SELENOV: variants seen among roughly 807,000 people sequenced by gnomAD.
The protein encoded by SELENOV is selenoprotein V.
A neutral mutation model predicts 21.6 loss-of-function variants in SELENOV; 25 were observed. The observed-to-expected ratio is 1.16, with a 90% confidence interval of 0.84 to 1.62. The LOEUF (loss-of-function observed/expected upper bound fraction) is 1.62. SELENOV is among the 40% of genes most tolerant of loss of function. The probability of loss-of-function intolerance (pLI) is 0.00; values close to 1 mark genes in which losing one functional copy is unlikely to be tolerated. For synonymous variants in SELENOV, 227 were observed against 216.9 expected (o/e 1.05, Z -0.41); for missense variants, 472 against 459.0 (o/e 1.03, Z -0.26).
At position 39,518,770 on chromosome 19, in the gene SELENOV, C is replaced by T; in HGVS notation, c.865C>T (p.Gln289Ter). Residue 289 changes from glutamine to a stop codon, truncating the protein, a stop_gained, in exon 3 of 6, where the codon CAA becomes TAA. Transcript: ENST00000335426. LOFTEE classifies it high-confidence loss of function. ...TCTACTGAAAAAGAGCCTGGAGCAG[C>T]AATTTCCGAATCACCTACTCTTTGT... 6.2e-7 allele frequency: 1 copy of T among 1,613,858 alleles called. No individual in the cohort carries two copies. Among genetic ancestry groups the T allele is most frequent in the Non-Finnish European group, 8.5e-7 (1 of 1,179,834 alleles).
chr19:39,518,249 C>T (rs562138840), intron 1 of SELENOV, among the ~76,000 whole-genome samples: 3 of 141,934 alleles, frequency 2.1e-5, no homozygotes, highest in East Asian at 4.1e-4. Context: ...CCAGCCTGGG[C>T]AACAGAGCGA....
intron 1 of SELENOV, 179 bp downstream of exon 1, chr19:39,516,200 A>G (rs199800025): frequency 8.6e-4 from 609 of 708,962 alleles, no homozygotes; most frequent in Middle Eastern, 1.1e-3. Flanking sequence ...TCTTTGGGGC[A>G]GGAGAGCTTC....
intron 1 of SELENOV, among the ~76,000 whole-genome samples, chr19:39,517,531 G>T (rs2079703378): frequency 6.6e-6 from 1 of 152,262 alleles, no homozygotes; most frequent in African/African-American, 2.4e-5. Flanking sequence ...GGGGTGGTCA[G>T]GAAGGCCTCA....
chr19:39,519,264 C>T, intron 5 of SELENOV, 94 bp downstream of exon 5: 1 of 843,090 alleles, frequency 1.2e-6, no homozygotes, highest in Non-Finnish European at 2.0e-6. Context: ...CCTAGCTCAG[C>T]CGGTTCTCAC....
At position 39,515,986 on chromosome 19, in the gene SELENOV, G is replaced by T. The variant is rs1371015030; in HGVS notation, c.774G>T (p.Ala258=). The change falls in exon 1 of 6, where the codon GCG becomes GCT. Residue 258 remains alanine (A), a synonymous_variant. Transcript: ENST00000335426. The surrounding 1 kb of genome is among the most constrained non-coding windows in gnomAD (Gnocchi z 5.1). ...TCCCCTCCTCCAGCGAGAACTTCGC[G>T]CTGGACAAGAGGGTCCTGATTCGAG... is the stretch of plus-strand genomic sequence containing the variant. 1.2e-6 allele frequency: 2 copies of T among 1,603,106 alleles called. No homozygotes were observed. Among genetic ancestry groups the T allele is most frequent in the Non-Finnish European group, 1.7e-6 (2 of 1,175,334 alleles).
In SELENOV at chr19:39,518,706, C is replaced by T. The variant is rs1231788292; in HGVS notation, c.835-34C>T. The T allele has an allele frequency of 3.1e-6, 5 of 1,613,472 alleles. No individual in the cohort carries two copies. The Admixed American group carries it at 6.7e-5, about 22-fold the overall frequency. On this transcript the variant is annotated intron_variant, in intron 2 of 5. Transcript: ENST00000335426. ...TGGGAGGAGTCCCTGTTTCCCCTCC[C>T]CTGCAACCCCATGACCCCATCTCCT...
intron 5 of SELENOV, 40 bp downstream of exon 5, chr19:39,519,210 A>T: frequency 7.1e-7 from 1 of 1,406,922 alleles, no homozygotes; most frequent in Non-Finnish European, 1.0e-6. Context: ...GGAGGGGTGG[A>T]GGCCGGGTAG....
chr19:39,520,612 CTA>C (rs1018537246), exon 6 of SELENOV: 20 of 152,164 alleles, frequency 1.3e-4, no homozygotes, highest in African/African-American at 4.6e-4. Context: ...CCTGTAAGAT[CTA>C]TGTTCCAGCC....
rs1033411426 is a variant in SELENOV, at chr19:39,519,170, G to A, written c.*22G>A. Reference sequence around the variant, plus strand: ...GTAGCCGGCAAGGGGTGGAGCTGGAGGTGAGCGTGGAGCTCCCAAGGCTGC... The same window carrying A: ...GTAGCCGGCAAGGGGTGGAGCTGGAAGTGAGCGTGGAGCTCCCAAGGCTGC... On this transcript the variant is annotated splice_region_variant and 3_prime_UTR_variant, in exon 5 of 6. Transcript: ENST00000335426. The A allele has an allele frequency of 3.1e-6, 5 of 1,608,980 alleles. No individual in the cohort carries two copies. The African/African-American group carries it at 6.7e-5, about 22-fold the overall frequency.
At position 39,518,797 on chromosome 19, in the gene SELENOV, AGT is replaced by A. The variant is rs746613234; in HGVS notation, c.888+10_888+11del. ...ATTTCCGAATCACCTACTCTTTGTA[AGT>A]GTGTGGGGGTCCTGGGGGAGAGGGG... On this transcript the variant is annotated splice_donor_5th_base_variant and intron_variant, in intron 3 of 5. Transcript: ENST00000335426. The A allele has an allele frequency of 6.8e-6, 11 of 1,613,534 alleles. No individual in the cohort carries two copies. The South Asian group carries it at 1.2e-4, about 18-fold the overall frequency.
At chr19:39,516,694 ATTT>A (rs74178082) in intron 1 of SELENOV, among the ~76,000 whole-genome samples, 1 of 129,470 alleles carries the variant, frequency 7.7e-6, no homozygotes. Context: ...TGCCTGCCTA[ATTT>A]TTTTTTTTTT....
chr19:39,518,541 G>A, intron 1 of SELENOV, 67 bp from the exon 2 acceptor site: 1 of 1,503,624 alleles, frequency 6.7e-7, no homozygotes, highest in Non-Finnish European at 9.1e-7. Context: ...CTGAGCTGGG[G>A]AAGATACTGA....
exon 5 of SELENOV, chr19:39,519,095 T>C: frequency 6.2e-7 from 1 of 1,613,458 alleles, no homozygotes; most frequent in Non-Finnish European, 8.5e-7. Flanking sequence ...TGTGAACGAG[T>C]CCAGGCTGCA....
rs187158875 is a variant in SELENOV at position 39,518,254 on chromosome 19, G to A, written c.810-354G>A. 6.8e-3 allele frequency among the ~76,000 whole-genome samples: 1,000 copies of A among 147,598 alleles called. 9 individuals carry two copies. The highest frequency in any genetic ancestry group is 0.024 in the African/African-American group (962 of 39,416). ...CCATTGCACTCCAGCCTGGGCAACA[G>A]AGCGAGACTCCGTCTCAAAAAAACA... On this transcript the variant is annotated intron_variant, in intron 1 of 5. Transcript: ENST00000335426.
chr19:39,519,956 C>T (rs1319381713), intron 5 of SELENOV, among the ~76,000 whole-genome samples, 190 bp from the exon 6 acceptor site: 5 of 103,058 alleles, frequency 4.9e-5, no homozygotes, highest in South Asian at 3.6e-4. Flanking sequence ...CAGAGCGAGA[C>T]TCTGTCTCAA....
At chr19:39,516,164 TGGAA>T in intron 1 of SELENOV, 143 bp downstream of exon 1, 2 of 748,628 alleles carry the variant, frequency 2.7e-6, no homozygotes, top group Non-Finnish European at 4.7e-6. Context: ...GTTCCCAGAT[TGGAA>T]ACCCGCTCTT....
chr19:39,518,197 G>T (rs2079708000), intron 1 of SELENOV, among the ~76,000 whole-genome samples: 1 of 151,354 alleles, frequency 6.6e-6, no homozygotes, highest in South Asian at 2.1e-4. Context: ...CGTGAACCCG[G>T]GAGGCGGAGC....
In SELENOV at chr19:39,515,994, A is replaced by C. The variant is rs778331782; in HGVS notation, c.782A>C (p.Lys261Thr). ...TCCAGCGAGAACTTCGCGCTGGACA[A>C]GAGGGTCCTGATTCGAGTGACCTAC... The change falls in exon 1 of 6, where the codon AAG becomes ACG. Residue 261 changes from lysine (K) to threonine (T), a missense_variant. Physicochemically the swap from Lys to Thr is moderately conservative, Grantham distance 78. Coordinates refer to ENST00000335426, the Ensembl canonical transcript of SELENOV. The surrounding 1 kb of genome is among the most constrained non-coding windows in gnomAD (Gnocchi z 5.1). 16 of 1,600,022 alleles carry C rather than the reference A, an allele frequency of 1.0e-5. No individual in the cohort carries two copies. Among genetic ancestry groups the C allele is most frequent in the South Asian group, 1.1e-5 (1 of 88,388 alleles).
At chr19:39,518,263 T>A (rs1168559953) in intron 1 of SELENOV, among the ~76,000 whole-genome samples, 4 of 135,758 alleles carry the variant, frequency 2.9e-5, no homozygotes, top group Non-Finnish European at 4.6e-5. Context: ...AGAGCGAGAC[T>A]CCGTCTCAAA....
Sources: gnomAD v4.1 joint callset for allele counts (sites outside exome capture counted in the v4.1 genomes callset) on GRCh38, gnomAD v4.1.1 for gene constraint, Gnocchi (gnomAD v3.1) non-coding constraint, MANE v1.5 for transcripts, NCBI Gene and HGNC (gene_info 2026-07-23, HGNC 2026-07-21) for gene names.